The following GNAQ variants were observed in gnomAD, a reference collection of about 807,000 sequenced individuals.
GNAQ encodes G protein subunit alpha q, also known as guanine nucleotide-binding protein G(q) subunit alpha.
Under a neutral mutation model 43.9 loss-of-function variants are expected in GNAQ, and 8 were observed. The observed-to-expected ratio is 0.18, with a 90% confidence interval of 0.11 to 0.33. GNAQ has a LOEUF of 0.33. GNAQ is among the 10% of genes least tolerant of loss of function. The pLI, the probability that GNAQ is intolerant of heterozygous loss-of-function variation, is 1.00. For missense variants in GNAQ, 158 were observed against 450.8 expected (o/e 0.35, Z 5.88); for synonymous variants, 155 against 170.7 (o/e 0.91, Z 0.71).
At chr9:77,998,398 T>C (rs920876807) in intron 1 of GNAQ, among the ~76,000 whole-genome samples, 3 of 152,218 alleles carry the variant, frequency 2.0e-5, no homozygotes, top group Non-Finnish European at 4.4e-5. Context: ...GCATAAACCA[T>C]TGCCTAATGC....
chr9:77,815,533 G>T, intron 3 of GNAQ, 83 bp downstream of exon 3: 1 of 874,932 alleles, frequency 1.1e-6, no homozygotes, highest in Non-Finnish European at 1.8e-6. Flanking sequence ...ATACAGGACA[G>T]AATAAAGAAG....
At chr9:77,764,308 G>A (rs1826098909) in intron 5 of GNAQ, among the ~76,000 whole-genome samples, 1 of 152,058 alleles carries the variant, frequency 6.6e-6, no homozygotes, top group Non-Finnish European at 1.5e-5. Context: ...AGGTCAATGG[G>A]TAGATTAGTG....
At chr9:77,894,427 T>A (rs188145438) in intron 2 of GNAQ, among the ~76,000 whole-genome samples, 1,456 of 110,806 alleles carry the variant, frequency 0.013, 23 homozygotes, top group African/African-American at 0.042. Context: ...ATAGAAAAAA[T>A]ATATATATAT....
At chr9:77,954,267 G>A (rs1823015721) in intron 1 of GNAQ, among the ~76,000 whole-genome samples, 1 of 152,154 alleles carries the variant, frequency 6.6e-6, no homozygotes, top group Non-Finnish European at 1.5e-5. Context: ...TTCCTAATTT[G>A]TTCAGCTCAA....
In GNAQ at chr9:77,719,771, T is replaced by C. The variant is rs905401486; in HGVS notation, c.*1552A>G. The C allele has an allele frequency of 6.0e-5, 14 of 232,674 alleles. No individual in the cohort carries two copies. Among genetic ancestry groups the C allele is most frequent in the Admixed American group, 2.8e-4 (5 of 17,766 alleles). 14.4% of individuals were successfully genotyped at this position (232,674 alleles called of 1,614,324 possible). On this transcript the variant is annotated 3_prime_UTR_variant, in exon 7 of 7. Transcript: ENST00000286548. ...TGCATTTGTTGAAAAATTGCACATA[T>C]AGAATTCCAAACATTTCTCCTGGTA...
In GNAQ at chr9:77,720,128, A is replaced by G; in HGVS notation, c.*1195T>C. On this transcript the variant is annotated 3_prime_UTR_variant, in exon 7 of 7. Transcript: ENST00000286548. ...TGAACATGGGACGTGAACACTAACAATGTCATCTTAAGGACAAAGAAAAGA... is the reference window on the plus strand; with the variant it reads ...TGAACATGGGACGTGAACACTAACAGTGTCATCTTAAGGACAAAGAAAAGA... 1 of 232,994 alleles carries G rather than the reference A, an allele frequency of 4.3e-6. No individual in the cohort carries two copies. The highest frequency in any genetic ancestry group is 6.1e-5 in the East Asian group (1 of 16,516). The allele number at this position is 232,994 out of a possible 1,614,324, so 14.4% of individuals were successfully genotyped here.
intron 1 of GNAQ, among the ~76,000 whole-genome samples, chr9:78,030,891 G>A (rs895953437): frequency 1.9e-5 from 2 of 105,370 alleles, no homozygotes; most frequent in African/African-American, 6.8e-5. Flanking sequence ...GTGTCGCTGT[G>A]TGTGTGTGTG....
chr9:77,891,332 T>C (rs923687699), intron 2 of GNAQ, among the ~76,000 whole-genome samples: 2 of 152,204 alleles, frequency 1.3e-5, no homozygotes, highest in Admixed American at 1.3e-4. Context: ...CACGTTTAAA[T>C]AGTTTCTGTA....
At chr9:77,858,133 T>A (rs1054351229) in intron 2 of GNAQ, among the ~76,000 whole-genome samples, 2 of 152,124 alleles carry the variant, frequency 1.3e-5, no homozygotes, top group African/African-American at 4.8e-5. Flanking sequence ...ACCCCAACCC[T>A]GGCATGAGGA....
At chr9:77,746,011 T>C (rs1009397648) in intron 5 of GNAQ, among the ~76,000 whole-genome samples, 1 of 152,122 alleles carries the variant, frequency 6.6e-6, no homozygotes, top group Non-Finnish European at 1.5e-5. Context: ...AAACTTTTCA[T>C]AGAAAATAGG....
intron 1 of GNAQ, among the ~76,000 whole-genome samples, chr9:77,955,393 G>A (rs1056076406): frequency 2.0e-5 from 3 of 152,014 alleles, no homozygotes; most frequent in Non-Finnish European, 4.4e-5. Flanking sequence ...CACCTGCCTC[G>A]GCCTCCCAAA....
At chr9:77,852,049 G>A (rs1460867533) in intron 2 of GNAQ, among the ~76,000 whole-genome samples, 1 of 152,156 alleles carries the variant, frequency 6.6e-6, no homozygotes, top group African/African-American at 2.4e-5. Context: ...ATTTGTAATG[G>A]GGATCAACTG....
At position 78,031,101 on chromosome 9, in the gene GNAQ, GAGC is replaced by G. The variant is rs1362687008; in HGVS notation, c.132_134del (p.Leu45del). ...GGCGGGGCCCCGGACGGTACTCACCGAGCAGCAGCAGCTTGAGCTCCCGGCGGG... is the reference window on the plus strand; with the variant it reads ...GGCGGGGCCCCGGACGGTACTCACCGAGCAGCAGCTTGAGCTCCCGGCGGG... On this transcript the variant is annotated inframe_deletion and splice_region_variant, in exon 1 of 7. Transcript: ENST00000286548. 1.3e-6 allele frequency: 2 copies of G among 1,519,870 alleles called. No homozygotes were observed. Among genetic ancestry groups the G allele is most frequent in the Non-Finnish European group, 1.8e-6 (2 of 1,133,390 alleles). 94.1% of individuals were successfully genotyped at this position (1,519,870 alleles called of 1,614,324 possible). A position where few individuals can be genotyped will look rare whatever the true frequency, so the allele number is the denominator to read the frequency against.
At chr9:77,939,392 C>G (rs1398557439) in intron 1 of GNAQ, among the ~76,000 whole-genome samples, 1 of 152,144 alleles carries the variant, frequency 6.6e-6, no homozygotes, top group Non-Finnish European at 1.5e-5. Flanking sequence ...TTTACTCAAA[C>G]CTCACTAGGA....
At chr9:77,728,688 AG>A in intron 5 of GNAQ, 21 bp from the exon 6 acceptor site, 8 of 1,386,748 alleles carry the variant, frequency 5.8e-6, no homozygotes, top group Non-Finnish European at 8.0e-6. Flanking sequence ...AAAAAAAATC[AG>A]AAAAAACAAG....
intron 1 of GNAQ, among the ~76,000 whole-genome samples, chr9:77,954,448 T>G (rs560547679): frequency 1.3e-5 from 2 of 152,266 alleles, no homozygotes; most frequent in South Asian, 4.1e-4. Context: ...ATTTTTAGAT[T>G]TGTGTTTCAG....
intron 5 of GNAQ, among the ~76,000 whole-genome samples, chr9:77,757,992 A>T (rs1333898614): frequency 1.3e-5 from 2 of 152,240 alleles, no homozygotes; most frequent in East Asian, 3.8e-4. Context: ...TCTAACAGGT[A>T]CATCAGTCAT....
At chr9:78,022,167 C>T (rs1823919318) in intron 1 of GNAQ, among the ~76,000 whole-genome samples, 1 of 152,182 alleles carries the variant, frequency 6.6e-6, no homozygotes, top group Non-Finnish European at 1.5e-5. Flanking sequence ...CCGAAGGAGC[C>T]CACCAGACCT....
rs542778508 is a variant in GNAQ at position 77,934,855 on chromosome 9, G to A, written c.137-12510C>T. 5.9e-5 allele frequency among the ~76,000 whole-genome samples: 9 copies of A among 152,260 alleles called. No individual in the cohort carries two copies. The East Asian group carries it at 9.6e-4, about 16-fold the overall frequency. Reference sequence around the variant, plus strand: ...TAAAAGGAAAATTAGGGCCGGGTGCGGTGGCTCACGCCTGTAATCCCAGCA... The same window carrying A: ...TAAAAGGAAAATTAGGGCCGGGTGCAGTGGCTCACGCCTGTAATCCCAGCA... On this transcript the variant is annotated intron_variant, in intron 1 of 6. Coordinates refer to ENST00000286548, the MANE Select transcript of GNAQ (RefSeq NM_002072.5).
Sources: gnomAD v4.1 joint callset for allele counts (sites outside exome capture counted in the v4.1 genomes callset) on GRCh38, gnomAD v4.1.1 for gene constraint, MANE v1.5 for transcripts, NCBI Gene and HGNC (gene_info 2026-07-23, HGNC 2026-07-21) for gene names.